The following KCNIP4 variants were observed in gnomAD, a reference collection of about 807,000 sequenced individuals.
KCNIP4 encodes the protein Kv channel-interacting protein 4.
KCNIP4 carries 12 observed loss-of-function variants against 34.0 expected under a neutral mutation model. That is an observed-to-expected ratio of 0.35 (90% CI 0.23 to 0.57). The LOEUF is 0.57. Ranked by LOEUF, KCNIP4 falls within the 20% of genes least tolerant of loss-of-function variation. KCNIP4 has a pLI of 0.83. For synonymous variants in KCNIP4, 124 were observed against 102.2 expected, an observed-to-expected ratio of 1.21 and a Z score of -1.29; for missense variants, 238 against 311.7, an observed-to-expected ratio of 0.76 and a Z score of 1.78.
chr4:20,896,611 G>C (rs150370131), intron 1 of KCNIP4, among the ~76,000 whole-genome samples: 47 of 152,208 alleles, frequency 3.1e-4, no homozygotes, highest in African/African-American at 1.1e-3. Context: ...AGCCAGGAGA[G>C]GAACAAGAAT....
chr4:21,742,745 G>A lies in KCNIP4; in HGVS notation c.61+205826C>T, dbSNP rs193279588. Among the ~76,000 whole-genome samples the A allele has an allele frequency of 5.0e-3, 761 of 152,192 alleles. 2 individuals are homozygous for A. Among genetic ancestry groups the A allele is most frequent in the Non-Finnish European group, 8.5e-3 (577 of 68,020 alleles). On this transcript the variant is annotated intron_variant, in intron 1 of 8. Transcript: ENST00000382152. ...AAGGAGTTTCCAAACCAGATGAGGA[G>A]GTAAGTTATATGTACATGGGAAAAT...
intron 5 of KCNIP4, among the ~76,000 whole-genome samples, chr4:20,742,154 G>C (rs969067288): frequency 2.6e-5 from 4 of 152,128 alleles, no homozygotes; most frequent in South Asian, 2.1e-4. Flanking sequence ...AAGAGGAGCT[G>C]GTACCATTTC....
At chr4:21,814,692 C>T (rs1721885607) in intron 1 of KCNIP4, among the ~76,000 whole-genome samples, 1 of 152,148 alleles carries the variant, frequency 6.6e-6, no homozygotes, top group South Asian at 2.1e-4. Flanking sequence ...TGAAGAGGGA[C>T]ATTTTCAGAC....
At chr4:21,212,164 A>G (rs1320322998) in intron 1 of KCNIP4, among the ~76,000 whole-genome samples, 2 of 152,236 alleles carry the variant, frequency 1.3e-5, no homozygotes, top group African/African-American at 4.8e-5. Flanking sequence ...AGAGCAAATA[A>G]GCAGATGAAA....
At chr4:21,837,698 A>T (rs990431787) in intron 1 of KCNIP4, among the ~76,000 whole-genome samples, 1 of 38,406 alleles carries the variant, frequency 2.6e-5, no homozygotes, top group African/African-American at 6.4e-5. Flanking sequence ...CATTATTGTA[A>T]GTCCATGAAG....
At chr4:21,770,106 A>C (rs1252777367) in intron 1 of KCNIP4, among the ~76,000 whole-genome samples, 2 of 151,470 alleles carry the variant, frequency 1.3e-5, no homozygotes, top group Non-Finnish European at 3.0e-5. Flanking sequence ...TTTTCCTTTA[A>C]GTTCCCTCCC....
At chr4:21,944,913 T>C (rs1225207482) in intron 1 of KCNIP4, among the ~76,000 whole-genome samples, 1 of 152,186 alleles carries the variant, frequency 6.6e-6, no homozygotes, top group Non-Finnish European at 1.5e-5. Flanking sequence ...GGTGCAGTTA[T>C]ATAATTTTGA....
Position 20,893,970 on chromosome 4 carries a change from T to A in KCNIP4, c.62-11261A>T, listed in dbSNP as rs1375084522. On this transcript the variant is annotated intron_variant, in intron 1 of 8. Transcript: ENST00000382152. ...ATCTGGGCTCACTGCAACCTCCACC[T>A]CCCAGGTTCAAGCAATTCACCTTCC... Among the ~76,000 whole-genome samples the A allele has an allele frequency of 3.3e-5, 5 of 152,254 alleles. No individual in the cohort carries two copies. The South Asian group carries it at 1.0e-3, about 32-fold the overall frequency.
At chr4:20,850,694 T>G in intron 2 of KCNIP4, 27 bp from the exon 3 acceptor site, 1 of 1,607,352 alleles carries the variant, frequency 6.2e-7, no homozygotes, top group Non-Finnish European at 8.5e-7. Flanking sequence ...GAAAGAGTCT[T>G]AGGACCAGCC....
intron 1 of KCNIP4, among the ~76,000 whole-genome samples, chr4:21,241,407 A>C (rs1759802127): frequency 6.6e-6 from 1 of 152,090 alleles, no homozygotes; most frequent in African/African-American, 2.4e-5. Flanking sequence ...ACACTTCTTG[A>C]AGAGGAAATG....
At chr4:20,845,005 G>C (rs980492921) in intron 3 of KCNIP4, among the ~76,000 whole-genome samples, 4 of 152,188 alleles carry the variant, frequency 2.6e-5, no homozygotes, top group African/African-American at 9.7e-5. Context: ...TGTGACTGCA[G>C]AGCACATTAA....
At chr4:21,242,031 G>C (rs1759853596) in intron 1 of KCNIP4, among the ~76,000 whole-genome samples, 1 of 151,900 alleles carries the variant, frequency 6.6e-6, no homozygotes, top group African/African-American at 2.4e-5. Context: ...AGGCGTGGTG[G>C]TGGGTGCCTG....
At chr4:21,880,894 G>A (rs1327467659) in intron 1 of KCNIP4, among the ~76,000 whole-genome samples, 1 of 152,108 alleles carries the variant, frequency 6.6e-6, no homozygotes, top group African/African-American at 2.4e-5. Flanking sequence ...TTCTTATGTG[G>A]ATTTGTCAAG....
Position 21,374,120 on chromosome 4 carries a change from G to A in KCNIP4, c.62-491411C>T, listed in dbSNP as rs985158938. Among the ~76,000 whole-genome samples, 32 of 147,536 alleles carry A rather than the reference G, an allele frequency of 2.2e-4. 1 individual carries two copies. The highest frequency in any genetic ancestry group is 3.9e-4 in the Admixed American group (6 of 15,214). On this transcript the variant is annotated intron_variant, in intron 1 of 8. Coordinates refer to ENST00000382152, the MANE Select transcript of KCNIP4 (RefSeq NM_025221.6). The stretch of plus-strand genomic sequence containing the variant: ...GCAATAGAGAAAGGATTGCTACATC[G>A]ATATTAAGAACACCTAGGGGGTGCT...
chr4:21,100,386 A>G (rs1418677065), intron 1 of KCNIP4, among the ~76,000 whole-genome samples: 1 of 152,058 alleles, frequency 6.6e-6, no homozygotes, highest in Admixed American at 6.6e-5. Flanking sequence ...CTCTGTCTCT[A>G]TCAAAAAATA....
chr4:20,891,007 T>C (rs903907276), intron 1 of KCNIP4, among the ~76,000 whole-genome samples: 6 of 152,212 alleles, frequency 3.9e-5, no homozygotes, highest in Admixed American at 2.6e-4. Flanking sequence ...CGATGGGCCA[T>C]GAATTATGAA....
At chr4:20,889,425 T>C (rs1432580779) in intron 1 of KCNIP4, among the ~76,000 whole-genome samples, 1 of 152,170 alleles carries the variant, frequency 6.6e-6, no homozygotes, top group Non-Finnish European at 1.5e-5. Context: ...TTCACAAGTA[T>C]TCTTGTTATC....
chr4:21,374,626 A>G (rs1397654433), intron 1 of KCNIP4, among the ~76,000 whole-genome samples: 1 of 147,750 alleles, frequency 6.8e-6, no homozygotes, highest in South Asian at 2.1e-4. Context: ...TGATAACTTA[A>G]TAGAGTGTTT....
intron 1 of KCNIP4, among the ~76,000 whole-genome samples, chr4:21,612,326 A>G (rs996734303): frequency 4.6e-5 from 7 of 152,248 alleles, no homozygotes; most frequent in East Asian, 1.9e-4. Flanking sequence ...TGGCATGTTA[A>G]TAACGTCACA....
Sources: allele counts gnomAD v4.1 joint callset (sites outside exome capture counted in the v4.1 genomes callset), GRCh38; gene constraint gnomAD v4.1.1; transcripts MANE v1.5; gene names NCBI Gene and HGNC (gene_info 2026-07-23, HGNC 2026-07-21).